Variants in MYO1E observed in about 807,000 individuals in gnomAD.
The protein encoded by MYO1E is unconventional myosin-Ie.
Under a neutral mutation model 151.1 loss-of-function variants are expected in MYO1E, and 68 were observed. The observed-to-expected ratio is 0.45, with a 90% CI of 0.37 to 0.55. The LOEUF (loss-of-function observed/expected upper bound fraction) is 0.55. Ranked by LOEUF, MYO1E falls within the 20% of genes least tolerant of loss-of-function variation. The pLI is 0.00. For synonymous variants in MYO1E, 601 were observed against 501.7 expected, an observed-to-expected ratio of 1.20 and a Z score of -2.64; for missense variants, 1,363 against 1,389.3, an observed-to-expected ratio of 0.98 and a Z score of 0.30.
chr15:59,192,397 T>C lies in MYO1E; in HGVS notation c.1805+3064A>G, dbSNP rs371420470. 5.9e-5 allele frequency among the ~76,000 whole-genome samples: 9 copies of C among 152,268 alleles called. No individual in the cohort carries two copies. The East Asian group carries it at 1.3e-3, about 23-fold the overall frequency. On this transcript the variant is annotated intron_variant, in intron 17 of 27. Transcript: ENST00000288235. ...ATTTAATTTCTCCATTTTCTGATATTCCAATGAATTATGTTGGATTTTTAC... is the reference window on the plus strand; with the variant it reads ...ATTTAATTTCTCCATTTTCTGATATCCCAATGAATTATGTTGGATTTTTAC...
chr15:59,276,953 G>C (rs972456457), intron 1 of MYO1E, among the ~76,000 whole-genome samples: 11 of 152,220 alleles, frequency 7.2e-5, no homozygotes, highest in African/African-American at 2.7e-4. Flanking sequence ...CACTTCATTA[G>C]TGTCCCAGGG....
chr15:59,272,210 A>T, intron 2 of MYO1E, 96 bp downstream of exon 2: 1 of 1,422,214 alleles, frequency 7.0e-7, no homozygotes, highest in Non-Finnish European at 9.9e-7. Flanking sequence ...TGCTGGGATT[A>T]CACACGTGAG....
intron 19 of MYO1E, among the ~76,000 whole-genome samples, chr15:59,174,534 G>A (rs1026254274): frequency 6.6e-6 from 1 of 152,150 alleles, no homozygotes; most frequent in African/African-American, 2.4e-5. Context: ...AATCGAATGA[G>A]CGATTCAATG....
chr15:59,342,442 T>C (rs1172955394), intron 1 of MYO1E, among the ~76,000 whole-genome samples: 2 of 152,218 alleles, frequency 1.3e-5, no homozygotes, highest in Non-Finnish European at 2.9e-5. Flanking sequence ...GTCTTCCCAA[T>C]GTTTTCTTTT....
chr15:59,141,591 G>A (rs960829617), intron 26 of MYO1E, among the ~76,000 whole-genome samples: 16 of 152,158 alleles, frequency 1.1e-4, no homozygotes, highest in African/African-American at 3.6e-4. Context: ...CTGAAGTCAG[G>A]AGTTCGAGAC....
At chr15:59,365,257 G>A (rs888516804) in intron 1 of MYO1E, among the ~76,000 whole-genome samples, 5 of 152,012 alleles carry the variant, frequency 3.3e-5, no homozygotes, top group African/African-American at 1.2e-4. Context: ...GACCTCAGGT[G>A]ATCCCTCCAC....
intron 14 of MYO1E, chr15:59,207,830 C>T: frequency 6.2e-7 from 1 of 1,614,198 alleles, no homozygotes; most frequent in African/African-American, 1.3e-5. Flanking sequence ...AAAGGTTATA[C>T]TTCTTGGGCC....
At chr15:59,155,757 A>T (rs1481820745) in intron 25 of MYO1E, among the ~76,000 whole-genome samples, 1 of 151,860 alleles carries the variant, frequency 6.6e-6, no homozygotes, top group Non-Finnish European at 1.5e-5. Flanking sequence ...CAGGATGGGG[A>T]CTCCAAAAGA....
chr15:59,171,826 C>G, intron 22 of MYO1E, 71 bp downstream of exon 22: 1 of 1,603,286 alleles, frequency 6.2e-7, no homozygotes, highest in South Asian at 1.1e-5. Flanking sequence ...TTCCTCCTGG[C>G]TGTTTGGAAC....
chr15:59,138,161 T>C (rs2079384761), intron 27 of MYO1E, 37 bp downstream of exon 27: 4 of 1,606,956 alleles, frequency 2.5e-6, no homozygotes, highest in Non-Finnish European at 3.4e-6. Context: ...TGCATGCTCT[T>C]TGGGAGGCTG....
At chr15:59,279,974 T>C (rs1206495577) in intron 1 of MYO1E, among the ~76,000 whole-genome samples, 2 of 152,232 alleles carry the variant, frequency 1.3e-5, no homozygotes, top group African/African-American at 4.8e-5. Context: ...GTTTTCATTG[T>C]GAAAAAAGTT....
chr15:59,302,299 T>C lies in MYO1E; in HGVS notation c.4-29850A>G, dbSNP rs149976384. 1.1e-3 allele frequency among the ~76,000 whole-genome samples: 170 copies of C among 152,274 alleles called. 1 individual carries two copies. The highest frequency in any genetic ancestry group is 3.9e-3 in the African/African-American group (163 of 41,546). ...TCTTGAGAAAAAAGGCACCCCAAAATAGACCTTCTATATGATCACAGACAT... is the reference window on the plus strand; with the variant it reads ...TCTTGAGAAAAAAGGCACCCCAAAACAGACCTTCTATATGATCACAGACAT... On this transcript the variant is annotated intron_variant, in intron 1 of 27. Coordinates refer to ENST00000288235, the MANE Select transcript of MYO1E (RefSeq NM_004998.4).
chr15:59,155,029 G>A (rs1482296242), intron 25 of MYO1E, among the ~76,000 whole-genome samples: 1 of 152,188 alleles, frequency 6.6e-6, no homozygotes, highest in African/African-American at 2.4e-5. Flanking sequence ...GTGAGTGAGA[G>A]CTGAATGGGC....
At chr15:59,257,251 G>A (rs1172971226) in intron 3 of MYO1E, among the ~76,000 whole-genome samples, 5 of 152,158 alleles carry the variant, frequency 3.3e-5, no homozygotes, top group Admixed American at 1.3e-4. Flanking sequence ...TACTTGGTAG[G>A]CTGAGGCAGA....
At chr15:59,343,423 T>C (rs764916141) in intron 1 of MYO1E, among the ~76,000 whole-genome samples, 1 of 152,210 alleles carries the variant, frequency 6.6e-6, no homozygotes, top group Non-Finnish European at 1.5e-5. Context: ...TTTCTGTTAC[T>C]GCTTTTAGGA....
At chr15:59,259,755 T>C (rs1301479173) in intron 3 of MYO1E, among the ~76,000 whole-genome samples, 14 of 152,252 alleles carry the variant, frequency 9.2e-5, no homozygotes, top group Admixed American at 6.5e-4. Flanking sequence ...ACTCGTTTCC[T>C]ATCTGTGGTC....
intron 1 of MYO1E, among the ~76,000 whole-genome samples, chr15:59,335,282 T>C (rs2080721480): frequency 6.6e-6 from 1 of 152,208 alleles, no homozygotes; most frequent in African/African-American, 2.4e-5. Flanking sequence ...ATCCTTGGTA[T>C]GTAGTAAAAG....
rs1555414769 is a variant in MYO1E at position 59,256,388 on chromosome 15, C to G, written c.238-10G>C. ...GGTTTTCATACTGTGCCTAGAAAAG[C>G]AAAAAATAATAATACATAAATAATA... On this transcript the variant is annotated splice_polypyrimidine_tract_variant and intron_variant, in intron 3 of 27. Transcript: ENST00000288235. 1 of 1,483,170 alleles carries G rather than the reference C, an allele frequency of 6.7e-7. No homozygotes were observed. Among genetic ancestry groups the G allele is most frequent in the South Asian group, 1.2e-5 (1 of 80,212 alleles). 91.9% of individuals were successfully genotyped at this position (1,483,170 alleles called of 1,614,324 possible). A position where few individuals can be genotyped will look rare whatever the true frequency, so the allele number is the denominator to read the frequency against.
intron 26 of MYO1E, among the ~76,000 whole-genome samples, chr15:59,151,145 A>G (rs1485972532): frequency 6.6e-6 from 1 of 151,886 alleles, no homozygotes; most frequent in Non-Finnish European, 1.5e-5. Context: ...AGGTGCTTTC[A>G]GCTGGGCGCG....
Sources: gnomAD v4.1 joint callset for allele counts (sites outside exome capture counted in the v4.1 genomes callset) on GRCh38, gnomAD v4.1.1 for gene constraint, MANE v1.5 for transcripts, NCBI Gene and HGNC (gene_info 2026-07-23, HGNC 2026-07-21) for gene names.